The following ACSL1 variants were observed in gnomAD, a reference collection of about 807,000 sequenced individuals.
ACSL1 encodes the protein long-chain-fatty-acid--CoA ligase 1.
In ACSL1, 41 loss-of-function variants were observed where a neutral mutation model predicts 98.4. The observed-to-expected ratio is 0.42, with a 90% CI of 0.32 to 0.54. ACSL1 has a LOEUF of 0.54. Among genes scored for constraint, ACSL1 ranks in the 20% least tolerant of loss-of-function variants. The pLI, the probability that ACSL1 is intolerant of heterozygous loss-of-function variation, is 0.13. For missense variants in ACSL1, 734 were observed against 883.1 expected, an observed-to-expected ratio of 0.83 and a Z score of 2.14; for synonymous variants, 316 against 322.7, an observed-to-expected ratio of 0.98 and a Z score of 0.22.
Position 184,783,972 on chromosome 4 carries a change from G to C in ACSL1, c.330C>G (p.Gly110=), listed in dbSNP as rs1343925906. The change falls in exon 4 of 21, where the codon GGC becomes GGG. Residue 110 remains glycine, a synonymous_variant. Transcript: ENST00000281455. ...IQVSNNGPCL[G]SRKPDQPYEW... is the part of the protein sequence containing the mutation. ...CATAGGGTTGGTCTGGTTTCCGAGA[G>C]CCTAAACAAGGGCCATTATCTAAAA... The C allele has an allele frequency of 6.2e-7, 1 of 1,613,776 alleles. No individual in the cohort carries two copies. The highest frequency in any genetic ancestry group is 1.7e-5 in the Admixed American group (1 of 59,964).
intron 3 of ACSL1, 53 bp downstream of exon 3, chr4:184,788,564 T>C: frequency 1.4e-6 from 2 of 1,422,568 alleles, no homozygotes; most frequent in Admixed American, 3.3e-5. Context: ...AGGCCACTCG[T>C]TCTTCATGAA....
At chr4:184,764,995 A>G (rs534607805) in intron 14 of ACSL1, 70 bp from the exon 15 acceptor site, 2 of 1,480,830 alleles carry the variant, frequency 1.4e-6, no homozygotes, top group African/African-American at 2.8e-5. Context: ...TGCACAAGCA[A>G]TGAAGTCTCA....
chr4:184,768,957 G>A lies in ACSL1; in HGVS notation c.994-507C>T, dbSNP rs546107120. On this transcript the variant is annotated intron_variant, in intron 11 of 20. Transcript: ENST00000281455. ...GGTGGCGGGTGCCCATAGTCCCAGC[G>A]ACTCAGGAGGCTGAGGCTGGAGAAT... Among the ~76,000 whole-genome samples, 46 of 151,976 alleles carry A rather than the reference G, an allele frequency of 3.0e-4. 1 individual carries two copies. The highest frequency in any genetic ancestry group is 9.9e-4 in the African/African-American group (41 of 41,426).
intron 10 of ACSL1, among the ~76,000 whole-genome samples, chr4:184,771,019 G>A (rs1764434773): frequency 6.6e-6 from 1 of 152,088 alleles, no homozygotes; most frequent in South Asian, 2.1e-4. Context: ...AGCTACTCAG[G>A]AGGCTGAGGC....
At chr4:184,807,853 G>A (rs1771628296) in intron 1 of ACSL1, among the ~76,000 whole-genome samples, 1 of 152,190 alleles carries the variant, frequency 6.6e-6, no homozygotes, top group African/African-American at 2.4e-5. Context: ...ACCAACCAAT[G>A]TGACTCTAAA....
intron 7 of ACSL1, among the ~76,000 whole-genome samples, chr4:184,775,471 A>G (rs191274380): frequency 0.01 from 1,584 of 152,302 alleles, 15 homozygotes; most frequent in Middle Eastern, 0.017. Flanking sequence ...GGTTAAAAGT[A>G]AAAAAACAGA....
chr4:184,822,582 T>A (rs1489890518), intron 1 of ACSL1, among the ~76,000 whole-genome samples: 6 of 151,436 alleles, frequency 4.0e-5, no homozygotes, highest in Non-Finnish European at 7.4e-5. Context: ...ACGAAAAAAA[T>A]ACAAAAATTA....
At chr4:184,777,137 G>A (rs1390645509) in intron 5 of ACSL1, among the ~76,000 whole-genome samples, 154 bp from the exon 6 acceptor site, 1 of 152,210 alleles carries the variant, frequency 6.6e-6, no homozygotes, top group Non-Finnish European at 1.5e-5. Context: ...TGCTATAAGG[G>A]ATTCAGAATG....
At chr4:184,787,318 A>C (rs1182707153) in intron 3 of ACSL1, among the ~76,000 whole-genome samples, 3 of 152,018 alleles carry the variant, frequency 2.0e-5, no homozygotes, top group Non-Finnish European at 4.4e-5. Flanking sequence ...ACTGATAACC[A>C]CCCTGTTCTC....
intron 1 of ACSL1, among the ~76,000 whole-genome samples, chr4:184,809,536 T>G (rs1248715890): frequency 6.6e-6 from 1 of 152,178 alleles, no homozygotes; most frequent in Non-Finnish European, 1.5e-5. Context: ...CTCACACCTG[T>G]AATCCCAGCA....
At chr4:184,775,559 C>A (rs1303081814) in intron 7 of ACSL1, among the ~76,000 whole-genome samples, 1 of 152,114 alleles carries the variant, frequency 6.6e-6, no homozygotes, top group African/African-American at 2.4e-5. Context: ...TGCGGAATCA[C>A]GTTCGATGCT....
chr4:184,765,013 C>A (rs994040331), intron 14 of ACSL1, 88 bp from the exon 15 acceptor site: 11 of 1,297,676 alleles, frequency 8.5e-6, no homozygotes, highest in African/African-American at 1.5e-5. Flanking sequence ...TCACTAACTC[C>A]CAAGTCATGG....
chr4:184,784,326 A>C (rs1418808422), intron 3 of ACSL1, among the ~76,000 whole-genome samples: 1 of 152,210 alleles, frequency 6.6e-6, no homozygotes, highest in African/African-American at 2.4e-5. Flanking sequence ...TGGTAAAGAG[A>C]ACCTGCTGTA....
chr4:184,788,426 A>G (rs1230650609), intron 3 of ACSL1, 191 bp downstream of exon 3: 5 of 680,486 alleles, frequency 7.3e-6, no homozygotes, highest in Non-Finnish European at 1.3e-5. Flanking sequence ...TGGAGCCCCC[A>G]GGGCCACAGG....
intron 5 of ACSL1, among the ~76,000 whole-genome samples, chr4:184,779,040 T>G (rs1345074446): frequency 6.6e-6 from 1 of 152,136 alleles, no homozygotes; most frequent in Non-Finnish European, 1.5e-5. Context: ...GCCAGATGCT[T>G]CCATTTTTCT....
chr4:184,769,952 C>T (rs908995265), intron 11 of ACSL1, among the ~76,000 whole-genome samples: 5 of 152,210 alleles, frequency 3.3e-5, no homozygotes, highest in Non-Finnish European at 7.3e-5. Context: ...CGCAAGCCAA[C>T]TTGTGCATTA....
At chr4:184,801,619 T>C (rs1453478386) in intron 2 of ACSL1, among the ~76,000 whole-genome samples, 1 of 152,216 alleles carries the variant, frequency 6.6e-6, no homozygotes, top group Non-Finnish European at 1.5e-5. Flanking sequence ...ATTTAAACTT[T>C]TAACTTCTTT....
At chr4:184,792,459 A>G (rs1171352909) in intron 2 of ACSL1, among the ~76,000 whole-genome samples, 1 of 152,080 alleles carries the variant, frequency 6.6e-6, no homozygotes, top group African/African-American at 2.4e-5. Flanking sequence ...TTCCCGAAAC[A>G]GGGGCAGGCT....
rs151070035 is a variant in ACSL1, at chr4:184,757,439, G to A, written c.1957-174C>T. On this transcript the variant is annotated intron_variant, in intron 20 of 20. Transcript: ENST00000281455. This position sits in a 1 kb window ranked among gnomAD's most constrained non-coding sequence, Gnocchi z 4.5. ...GCATCCTATTCTTAGGATAGGATTC[G>A]GGATCATATTCTGATATCCAGGAAA... 3.3e-5 allele frequency among the ~76,000 whole-genome samples: 5 copies of A among 152,112 alleles called. No homozygotes were observed. The highest frequency in any genetic ancestry group is 7.2e-5 in the African/African-American group (3 of 41,394).
Sources: allele counts gnomAD v4.1 joint callset (sites outside exome capture counted in the v4.1 genomes callset), GRCh38; gene constraint gnomAD v4.1.1; non-coding constraint Gnocchi (gnomAD v3.1); transcripts MANE v1.5; gene names NCBI Gene and HGNC (gene_info 2026-07-23, HGNC 2026-07-21).